INPP4B: variants seen among roughly 807,000 people sequenced by gnomAD.
INPP4B encodes the protein inositol polyphosphate 4-phosphatase type II.
INPP4B carries 55 observed loss-of-function variants against 122.5 expected under a neutral mutation model. That is an observed-to-expected ratio of 0.45 (90% CI 0.36 to 0.56). INPP4B has a LOEUF of 0.56. INPP4B is among the 20% of genes least tolerant of loss of function. The probability of loss-of-function intolerance (pLI) is 0.00; values close to 1 mark genes in which losing one functional copy is unlikely to be tolerated. For synonymous variants in INPP4B, 403 were observed against 388.7 expected (o/e 1.04, Z -0.43); for missense variants, 1,000 against 1,097.7 (o/e 0.91, Z 1.26).
intron 8 of INPP4B, among the ~76,000 whole-genome samples, chr4:142,312,127 A>G (rs1408035018): frequency 6.6e-6 from 1 of 152,148 alleles, no homozygotes; most frequent in Non-Finnish European, 1.5e-5. Flanking sequence ...ATTATAGCCG[A>G]GTTTTTTCAA....
intron 16 of INPP4B, among the ~76,000 whole-genome samples, chr4:142,164,140 C>A (rs1381047581): frequency 2.6e-5 from 4 of 151,810 alleles, no homozygotes; most frequent in African/African-American, 7.2e-5. Context: ...CAAAGCAACA[C>A]ACAGAATTAT....
chr4:142,048,489 G>A (rs1463698992), intron 25 of INPP4B, among the ~76,000 whole-genome samples: 1 of 151,980 alleles, frequency 6.6e-6, no homozygotes, highest in Non-Finnish European at 1.5e-5. Flanking sequence ...ATGGAAGAAG[G>A]GCATCTGGTG....
At chr4:142,517,051 T>C (rs1212296798) in intron 2 of INPP4B, among the ~76,000 whole-genome samples, 1 of 151,800 alleles carries the variant, frequency 6.6e-6, no homozygotes, top group Non-Finnish European at 1.5e-5. Context: ...ATTAATTTCT[T>C]GATCTAGTTT....
At chr4:142,392,916 G>C (rs191732517) in intron 7 of INPP4B, among the ~76,000 whole-genome samples, 1 of 152,238 alleles carries the variant, frequency 6.6e-6, no homozygotes, top group East Asian at 1.9e-4. Context: ...TTGGTTTTAG[G>C]TGGTTTGGTT....
At chr4:142,625,983 C>T (rs1316964476) in intron 2 of INPP4B, among the ~76,000 whole-genome samples, 1 of 152,114 alleles carries the variant, frequency 6.6e-6, no homozygotes, top group African/African-American at 2.4e-5. Flanking sequence ...AAAATTAATT[C>T]AGGATGGATT....
intron 21 of INPP4B, among the ~76,000 whole-genome samples, chr4:142,118,688 A>T (rs1795023170): frequency 6.6e-6 from 1 of 152,148 alleles, no homozygotes; most frequent in Non-Finnish European, 1.5e-5. Context: ...AACCATAAAA[A>T]CCCTAGAAGA....
chr4:142,450,905 G>T (rs944928826), intron 3 of INPP4B, among the ~76,000 whole-genome samples: 2 of 151,576 alleles, frequency 1.3e-5, no homozygotes, highest in Non-Finnish European at 2.9e-5. Flanking sequence ...AAAAAAAGGA[G>T]GAGGACTAGA....
intron 1 of INPP4B, among the ~76,000 whole-genome samples, chr4:142,804,620 T>A (rs1300540477): frequency 1.3e-5 from 2 of 152,196 alleles, no homozygotes; most frequent in African/African-American, 4.8e-5. Context: ...TTCTACAGCG[T>A]TTTGATATCA....
At chr4:142,572,823 C>T (rs1733106748) in intron 2 of INPP4B, among the ~76,000 whole-genome samples, 1 of 151,418 alleles carries the variant, frequency 6.6e-6, no homozygotes, top group Admixed American at 6.6e-5. Context: ...CAATGAATAG[C>T]TAACAAGCAT....
At chr4:142,689,945 T>C (rs1441441177) in intron 2 of INPP4B, among the ~76,000 whole-genome samples, 2 of 152,208 alleles carry the variant, frequency 1.3e-5, no homozygotes, top group African/African-American at 4.8e-5. Flanking sequence ...TCTTGCAACG[T>C]AGATAGATCG....
At chr4:142,119,830 C>T (rs113142116) in intron 21 of INPP4B, among the ~76,000 whole-genome samples, 2 of 98,564 alleles carry the variant, frequency 2.0e-5, no homozygotes, top group African/African-American at 6.8e-5. Context: ...CACACATACA[C>T]ATATATATAC....
chr4:142,537,429 TAGAGAGAGAGAGAGAGAG>T (rs1157643466), intron 2 of INPP4B, among the ~76,000 whole-genome samples: 15 of 25,456 alleles, frequency 5.9e-4, no homozygotes, highest in African/African-American at 1.5e-3. Flanking sequence ...TATATATATA[TAGAGAGAGAGAGAGAGAG>T]AGAGAGAGAG....
At chr4:142,549,499 C>G (rs375733895) in intron 2 of INPP4B, among the ~76,000 whole-genome samples, 1 of 152,182 alleles carries the variant, frequency 6.6e-6, no homozygotes, top group African/African-American at 2.4e-5. Context: ...GTGCAGAAAC[C>G]AAAACACCAG....
At chr4:142,202,677 C>T (rs1035169416) in intron 14 of INPP4B, 1 of 932,236 alleles carries the variant, frequency 1.1e-6, no homozygotes, top group Non-Finnish European at 1.3e-6. Flanking sequence ...CCTGATTTCA[C>T]CTACAGCTTT....
intron 2 of INPP4B, among the ~76,000 whole-genome samples, chr4:142,648,608 G>C (rs1488478304): frequency 6.6e-6 from 1 of 152,214 alleles, no homozygotes; most frequent in African/African-American, 2.4e-5. Context: ...GCAGCAGCCT[G>C]GTTGGGGGAG....
At chr4:142,351,143 C>T (rs577260843) in intron 7 of INPP4B, among the ~76,000 whole-genome samples, 1 of 152,056 alleles carries the variant, frequency 6.6e-6, no homozygotes, top group East Asian at 1.9e-4. Flanking sequence ...GATACTAGAG[C>T]TAGCCTGACC....
In INPP4B at chr4:142,484,897, G is replaced by A. The variant is rs567849563; in HGVS notation, c.-190-22171C>T. On this transcript the variant is annotated intron_variant, in intron 2 of 25. Coordinates refer to ENST00000262992, the MANE Select transcript of INPP4B (RefSeq NM_001101669.3). ...GTTATAAAAACAATTGCAAATAGGG[G>A]TCCTGTATTTCGTTTTTGACTAATA... Among the ~76,000 whole-genome samples the A allele has an allele frequency of 1.9e-3, 291 of 152,104 alleles. 1 individual carries two copies. The highest frequency in any genetic ancestry group is 3.1e-3 in the Non-Finnish European group (210 of 67,958).
At chr4:142,142,129 A>T (rs942109857) in intron 18 of INPP4B, among the ~76,000 whole-genome samples, 2 of 152,100 alleles carry the variant, frequency 1.3e-5, no homozygotes, top group Admixed American at 1.3e-4. Flanking sequence ...TATGTCTCAA[A>T]TTGCTTGCCT....
intron 7 of INPP4B, among the ~76,000 whole-genome samples, chr4:142,346,045 C>G (rs745346822): frequency 6.6e-6 from 1 of 151,930 alleles, no homozygotes; most frequent in Non-Finnish European, 1.5e-5. Flanking sequence ...CATATATAGT[C>G]ACAACAACAA....
Sources: allele counts gnomAD v4.1 joint callset (sites outside exome capture counted in the v4.1 genomes callset), GRCh38; gene constraint gnomAD v4.1.1; transcripts MANE v1.5; gene names NCBI Gene and HGNC (gene_info 2026-07-23, HGNC 2026-07-21).